The following ATXN1 variants were observed in gnomAD, a reference collection of about 807,000 sequenced individuals.
The protein encoded by ATXN1 is ataxin 1.
Under a neutral mutation model 56.4 loss-of-function variants are expected in ATXN1, and 8 were observed. That is an observed-to-expected ratio of 0.14 (90% CI 0.08 to 0.26). The LOEUF is 0.26. Among genes scored for constraint, ATXN1 ranks in the 10% least tolerant of loss-of-function variants. The probability of loss-of-function intolerance (pLI) is 1.00; values close to 1 mark genes in which losing one functional copy is unlikely to be tolerated. For missense variants in ATXN1, 987 were observed against 1,106.5 expected (o/e 0.89, Z 1.53); for synonymous variants, 514 against 494.6 (o/e 1.04, Z -0.52).
rs933767660 is a variant in ATXN1, at chr6:16,760,220, C to T, written c.-730+1078G>A. Among the ~76,000 whole-genome samples the T allele has an allele frequency of 2.0e-4, 30 of 152,058 alleles. No individual in the cohort carries two copies. The highest frequency in any genetic ancestry group is 5.9e-5 in the Non-Finnish European group (4 of 67,940). On this transcript the variant is annotated intron_variant, in intron 1 of 7. Transcript: ENST00000436367. This position sits in a 1 kb window ranked among gnomAD's most constrained non-coding sequence, Gnocchi z 5.3. Reference sequence around the variant, plus strand: ...TGGGGCTCCAGGGCGCATCCCAATCCCCGCAGCGCCTCCTCCGCGGCGGCC... The same window carrying T: ...TGGGGCTCCAGGGCGCATCCCAATCTCCGCAGCGCCTCCTCCGCGGCGGCC...
At chr6:16,380,477 C>CT (rs112477802) in intron 6 of ATXN1, among the ~76,000 whole-genome samples, 9,727 of 142,842 alleles carry the variant, frequency 0.068, 1,004 homozygotes, top group African/African-American at 0.23. Context: ...ATCCATGTGA[C>CT]TTTTTTTTTT....
chr6:16,700,981 G>GAA (rs796839946), intron 2 of ATXN1, among the ~76,000 whole-genome samples: 1 of 138,826 alleles, frequency 7.2e-6, no homozygotes, highest in Non-Finnish European at 1.6e-5. Flanking sequence ...AAAACAAATG[G>GAA]AAAAAAAAAA....
intron 5 of ATXN1, among the ~76,000 whole-genome samples, chr6:16,503,937 C>CA (rs775361391): frequency 6.6e-6 from 1 of 152,158 alleles, no homozygotes; most frequent in African/African-American, 2.4e-5. Flanking sequence ...ATCCACCCCC[C>CA]AAACTCTTCA....
chr6:16,635,702 T>C (rs1242713713), intron 3 of ATXN1, among the ~76,000 whole-genome samples: 5 of 152,198 alleles, frequency 3.3e-5, no homozygotes, highest in Non-Finnish European at 7.4e-5. Flanking sequence ...TAAATAAATA[T>C]GTCTGAATCT....
At position 16,416,272 on chromosome 6, in the gene ATXN1, A is replaced by C. The variant is rs568741030; in HGVS notation, c.-161+69700T>G. 7.2e-5 allele frequency among the ~76,000 whole-genome samples: 11 copies of C among 152,304 alleles called. No homozygotes were observed. The South Asian group carries it at 1.7e-3, about 23-fold the overall frequency. ...TAATGCAACTTATTTTCTTAGAAGGATCTCTCAATATAGATTAAATTAATG... is the reference window on the plus strand; with the variant it reads ...TAATGCAACTTATTTTCTTAGAAGGCTCTCTCAATATAGATTAAATTAATG... On this transcript the variant is annotated intron_variant, in intron 6 of 7. Transcript: ENST00000436367.
At chr6:16,383,407 T>C (rs939521387) in intron 6 of ATXN1, among the ~76,000 whole-genome samples, 8 of 152,202 alleles carry the variant, frequency 5.3e-5, no homozygotes, top group Non-Finnish European at 1.2e-4. Context: ...TTTCAAACTA[T>C]AAAACTTAGT....
At chr6:16,657,199 G>C (rs1184159281) in intron 3 of ATXN1, among the ~76,000 whole-genome samples, 1 of 152,020 alleles carries the variant, frequency 6.6e-6, no homozygotes, top group African/African-American at 2.4e-5. Flanking sequence ...GCGTTAGCCA[G>C]GATGATCTCA....
In ATXN1 at chr6:16,306,264, T is replaced by C. The variant is rs1053336129; in HGVS notation, c.*65A>G. 5.3e-6 allele frequency: 8 copies of C among 1,496,754 alleles called. No individual in the cohort carries two copies. Among genetic ancestry groups the C allele is most frequent in the Non-Finnish European group, 6.2e-6 (7 of 1,120,826 alleles). 92.7% of individuals were successfully genotyped at this position (1,496,754 alleles called of 1,614,324 possible). On this transcript the variant is annotated 3_prime_UTR_variant, in exon 8 of 8. Transcript: ENST00000436367. The surrounding 1 kb of genome is among the most constrained non-coding windows in gnomAD (Gnocchi z 5.2). ...ATGTAAATACTGTGTTATTTTAGCC[T>C]ACAGTACAGTAATCTGGATACAAAT... is the stretch of plus-strand genomic sequence containing the variant.
chr6:16,722,808 A>G (rs551988461), intron 2 of ATXN1, among the ~76,000 whole-genome samples: 4 of 152,236 alleles, frequency 2.6e-5, no homozygotes, highest in Non-Finnish European at 5.9e-5. Flanking sequence ...GTAATTTGCT[A>G]AAGCTGAAAC....
At chr6:16,386,323 G>T (rs1758239453) in intron 6 of ATXN1, among the ~76,000 whole-genome samples, 1 of 152,176 alleles carries the variant, frequency 6.6e-6, no homozygotes, top group South Asian at 2.1e-4. Context: ...CTGCTTTGTA[G>T]TCTGCTGGGT....
chr6:16,466,307 G>T (rs890292317), intron 6 of ATXN1, among the ~76,000 whole-genome samples: 26 of 108,774 alleles, frequency 2.4e-4, no homozygotes, highest in African/African-American at 9.3e-4. Flanking sequence ...GACAGAGTCA[G>T]ACCCCATCTC....
chr6:16,632,348 G>T (rs1415948466), intron 3 of ATXN1, among the ~76,000 whole-genome samples: 1 of 152,230 alleles, frequency 6.6e-6, no homozygotes, highest in African/African-American at 2.4e-5. Flanking sequence ...GATGACATGT[G>T]ACAAGATGAC....
At chr6:16,606,142 T>C (rs1013422079) in intron 3 of ATXN1, among the ~76,000 whole-genome samples, 4 of 148,430 alleles carry the variant, frequency 2.7e-5, no homozygotes, top group Admixed American at 2.0e-4. Flanking sequence ...AGCGAGACCC[T>C]GTCTCAAAAA....
chr6:16,526,045 A>C (rs569111463), intron 4 of ATXN1, among the ~76,000 whole-genome samples: 2,003 of 99,424 alleles, frequency 0.02, 20 homozygotes, highest in Non-Finnish European at 0.027. Context: ...ATAAATCTAT[A>C]TATATATATA....
At chr6:16,436,893 A>G (rs1759405525) in intron 6 of ATXN1, among the ~76,000 whole-genome samples, 1 of 152,178 alleles carries the variant, frequency 6.6e-6, no homozygotes, top group African/African-American at 2.4e-5. Flanking sequence ...AGAAGCAGAG[A>G]GACTACTCAG....
chr6:16,526,041 C>CTATATATATATATATATATATATATA (rs71769107), intron 4 of ATXN1, among the ~76,000 whole-genome samples: 1 of 127,144 alleles, frequency 7.9e-6, no homozygotes, highest in African/African-American at 3.2e-5. Flanking sequence ...AGAAATAAAT[C>CTATATATATATATATATATATATATA]TATATATATA....
intron 4 of ATXN1, among the ~76,000 whole-genome samples, chr6:16,560,682 G>A (rs987563977): frequency 6.6e-6 from 1 of 152,176 alleles, no homozygotes; most frequent in Non-Finnish European, 1.5e-5. Flanking sequence ...CTCCTGCAGA[G>A]ATTCTTGTAG....
chr6:16,585,040 C>T (rs1275490887), intron 4 of ATXN1, among the ~76,000 whole-genome samples: 2 of 151,568 alleles, frequency 1.3e-5, no homozygotes, highest in Admixed American at 6.6e-5. Context: ...TGAGACCAGC[C>T]TGGGCAACAT....
intron 6 of ATXN1, among the ~76,000 whole-genome samples, chr6:16,466,893 G>A (rs1489890495): frequency 6.6e-6 from 1 of 152,206 alleles, no homozygotes; most frequent in Non-Finnish European, 1.5e-5. Flanking sequence ...AAGGATTAAT[G>A]TTCTTTCCAT....
Sources: gnomAD v4.1 joint callset for allele counts (sites outside exome capture counted in the v4.1 genomes callset) on GRCh38, gnomAD v4.1.1 for gene constraint, Gnocchi (gnomAD v3.1) non-coding constraint, MANE v1.5 for transcripts, NCBI Gene and HGNC (gene_info 2026-07-23, HGNC 2026-07-21) for gene names.